FOXP1: variants seen among roughly 807,000 people sequenced by gnomAD.
FOXP1 encodes forkhead box protein P1.
A neutral mutation model predicts 98.2 loss-of-function variants in FOXP1; 15 were observed. That is an observed-to-expected ratio of 0.15 (90% CI 0.10 to 0.24). The LOEUF (loss-of-function observed/expected upper bound fraction) is 0.24, where lower values mean the gene tolerates loss of function less well. Among genes scored for constraint, FOXP1 ranks in the 10% least tolerant of loss-of-function variants. The probability of loss-of-function intolerance (pLI) is 1.00; values close to 1 mark genes in which losing one functional copy is unlikely to be tolerated. For missense variants in FOXP1, 633 were observed against 848.5 expected (o/e 0.75, Z 3.15); for synonymous variants, 371 against 314.5 (o/e 1.18, Z -1.90).
chr3:71,178,386 G>A (rs2062075484), intron 6 of FOXP1, among the ~76,000 whole-genome samples: 2 of 151,308 alleles, frequency 1.3e-5, no homozygotes, highest in Non-Finnish European at 2.9e-5. Flanking sequence ...CACCCGCTTC[G>A]GTCTCTCAAA....
chr3:71,004,087 ATCCCCCCCCAAGTT>A (rs2042455560), intron 12 of FOXP1, among the ~76,000 whole-genome samples: 1 of 74,962 alleles, frequency 1.3e-5, no homozygotes, highest in Non-Finnish European at 2.4e-5. Context: ...GGAACCCTAC[ATCCCCCCCCAAGTT>A]CAGAAAATTA....
rs1345785537 is a variant in FOXP1, at chr3:71,053,714, C to G, written c.342G>C (p.Gln114His). The change falls in exon 8 of 21, where the codon CAG becomes CAC. Residue 114 changes from glutamine (Q) to histidine (H), a missense_variant. Physicochemically the swap from Gln to His is conservative, Grantham distance 24. This residue lies in a region of FOXP1 where 210 missense variants were observed against 270.6 expected (regional missense o/e 0.78). Coordinates refer to ENST00000649528, the MANE Select transcript of FOXP1 (RefSeq NM_001349338.3). ...GGCTCAGCACTTGTTGCTGGAGGAT[C>G]TGCTGCATTTGCTGGGGAGTGATAA... ...PQVITPQQMQ[Q>H]ILQQQVLSPQ... 6.2e-7 allele frequency: 1 copy of G among 1,614,130 alleles called. No individual in the cohort carries two copies. Among genetic ancestry groups the G allele is most frequent in the Non-Finnish European group, 8.5e-7 (1 of 1,179,986 alleles).
chr3:71,287,010 T>A (rs555292122), intron 5 of FOXP1, among the ~76,000 whole-genome samples: 9 of 152,222 alleles, frequency 5.9e-5, no homozygotes, highest in African/African-American at 2.2e-4. Flanking sequence ...GTTGCAGGTA[T>A]AGAAAACACA....
intron 2 of FOXP1, chr3:71,572,031 C>A (rs910791148): frequency 1.3e-5 from 2 of 152,210 alleles, no homozygotes; most frequent in Non-Finnish European, 2.9e-5. Flanking sequence ...ACTTTCTACA[C>A]TGAAGAACAA....
At chr3:71,177,516 A>C (rs1170326736) in intron 6 of FOXP1, among the ~76,000 whole-genome samples, 1 of 152,182 alleles carries the variant, frequency 6.6e-6, no homozygotes, top group Non-Finnish European at 1.5e-5. Flanking sequence ...CAATAAACAA[A>C]CACAGTAAGA....
At chr3:70,965,793 A>G in intron 20 of FOXP1, 97 bp downstream of exon 20, 1 of 1,210,706 alleles carries the variant, frequency 8.3e-7, no homozygotes, top group Non-Finnish European at 1.2e-6. Flanking sequence ...AAATTACAGA[A>G]AAGGTATATA....
chr3:71,127,571 T>C (rs930868402), intron 6 of FOXP1, among the ~76,000 whole-genome samples: 13 of 152,234 alleles, frequency 8.5e-5, no homozygotes, highest in Admixed American at 8.5e-4. Context: ...AGTTTCTTCA[T>C]GGTAAAACAC....
chr3:71,121,598 C>A (rs2107821770), intron 6 of FOXP1, among the ~76,000 whole-genome samples: 1 of 152,146 alleles, frequency 6.6e-6, no homozygotes, highest in South Asian at 2.1e-4. Flanking sequence ...ATCACTACAC[C>A]AAGTCTCCGG....
intron 6 of FOXP1, among the ~76,000 whole-genome samples, chr3:71,170,285 T>TC (rs1160262433): frequency 6.6e-6 from 1 of 152,086 alleles, no homozygotes; most frequent in Non-Finnish European, 1.5e-5. Context: ...ACAATGACGC[T>TC]CCCCCCACGC....
chr3:71,151,167 T>C (rs144233090), intron 6 of FOXP1, among the ~76,000 whole-genome samples: 48 of 152,288 alleles, frequency 3.2e-4, no homozygotes, highest in Non-Finnish European at 6.3e-4. Context: ...AACTGTGAAA[T>C]GGGAATACTG....
At chr3:71,482,367 CTTT>C (rs11464442) in intron 3 of FOXP1, among the ~76,000 whole-genome samples, 6 of 114,144 alleles carry the variant, frequency 5.3e-5, no homozygotes, top group Non-Finnish European at 3.5e-5. Flanking sequence ...AATACATAAC[CTTT>C]TTTTTTTTTT....
chr3:71,261,091 A>G (rs2069096047), intron 5 of FOXP1, among the ~76,000 whole-genome samples: 1 of 152,184 alleles, frequency 6.6e-6, no homozygotes, highest in South Asian at 2.1e-4. Context: ...AAACAGAAAG[A>G]GCCCCCGATA....
At chr3:71,540,585 T>C (rs1186567753) in intron 2 of FOXP1, among the ~76,000 whole-genome samples, 2 of 152,214 alleles carry the variant, frequency 1.3e-5, no homozygotes, top group African/African-American at 4.8e-5. Flanking sequence ...CTCATGTACA[T>C]AATCTCATTA....
intron 3 of FOXP1, among the ~76,000 whole-genome samples, chr3:71,429,750 CT>C (rs1370036955): frequency 1.3e-5 from 2 of 152,184 alleles, no homozygotes; most frequent in African/African-American, 4.8e-5. Flanking sequence ...AGGAACTCGT[CT>C]TCAAGAATCA....
chr3:71,001,180 GGGGGT>G (rs1390206707), intron 12 of FOXP1, 121 bp from the exon 13 acceptor site: 24 of 729,162 alleles, frequency 3.3e-5, no homozygotes, highest in Non-Finnish European at 5.1e-5. Flanking sequence ...TAGTAGTCCA[GGGGGT>G]GGCCTGTCCT....
At chr3:71,048,256 A>C (rs983390081) in intron 9 of FOXP1, among the ~76,000 whole-genome samples, 11 of 152,222 alleles carry the variant, frequency 7.2e-5, no homozygotes, top group Non-Finnish European at 1.3e-4. Flanking sequence ...GCCCTTTCAG[A>C]GCTTACATGT....
chr3:71,331,755 T>C (rs1295046927), intron 4 of FOXP1, among the ~76,000 whole-genome samples: 3 of 152,082 alleles, frequency 2.0e-5, no homozygotes, highest in Non-Finnish European at 2.9e-5. Context: ...CCTTTATGTC[T>C]AGCTAAGGGA....
chr3:71,493,481 A>G lies in FOXP1; in HGVS notation c.-223T>C, dbSNP rs1235910738. The G allele has an allele frequency of 2.0e-5, 3 of 152,204 alleles. No individual in the cohort carries two copies. The highest frequency in any genetic ancestry group is 7.2e-5 in the African/African-American group (3 of 41,434). The allele number at this position is 152,204 out of a possible 1,614,324, so 9.4% of individuals were successfully genotyped here. ...GTTCATGGCTGACAGCAAATCAGAG[A>G]AGGGATCGAAGCCCTCACCATTGCC... On this transcript the variant is annotated 5_prime_UTR_variant, in exon 3 of 21. Coordinates refer to ENST00000649528, the MANE Select transcript of FOXP1 (RefSeq NM_001349338.3).
chr3:71,054,119 C>A (rs1260092936), intron 7 of FOXP1, among the ~76,000 whole-genome samples: 1 of 152,106 alleles, frequency 6.6e-6, no homozygotes, highest in African/African-American at 2.4e-5. Context: ...GGAAGTTAAC[C>A]CAGACTTGAA....
Sources: gnomAD v4.1 joint callset for allele counts (sites outside exome capture counted in the v4.1 genomes callset) on GRCh38, gnomAD v4.1.1 for gene constraint, gnomAD v4.1.1 regional missense constraint, MANE v1.5 for transcripts, NCBI Gene and HGNC (gene_info 2026-07-23, HGNC 2026-07-21) for gene names.